The following EHBP1 variants were observed in gnomAD, a reference collection of about 807,000 sequenced individuals.
EHBP1 encodes EH domain-binding protein 1.
EHBP1 carries 55 observed loss-of-function variants against 144.0 expected under a neutral mutation model. The observed-to-expected ratio is 0.38, with a 90% CI of 0.31 to 0.48. The LOEUF is 0.48. EHBP1 is among the 20% of genes least tolerant of loss of function. EHBP1 has a pLI of 0.98. For synonymous variants in EHBP1, 469 were observed against 472.7 expected (o/e 0.99, Z 0.10); for missense variants, 1,200 against 1,364.2 (o/e 0.88, Z 1.90).
intron 1 of EHBP1, among the ~76,000 whole-genome samples, chr2:62,682,800 T>A (rs1013879362): frequency 1.3e-5 from 2 of 152,280 alleles, no homozygotes; most frequent in African/African-American, 2.4e-5. Context: ...ATCAACCAAC[T>A]GTAAATTCTC....
chr2:63,025,389 T>C (rs1052709091), intron 19 of EHBP1, among the ~76,000 whole-genome samples: 7 of 152,174 alleles, frequency 4.6e-5, no homozygotes, highest in Non-Finnish European at 8.8e-5. Context: ...AGGCTCTGAG[T>C]GGCTGGTACT....
intron 21 of EHBP1, among the ~76,000 whole-genome samples, chr2:63,040,454 A>G (rs1425394624): frequency 6.6e-6 from 1 of 152,168 alleles, no homozygotes; most frequent in African/African-American, 2.4e-5. Context: ...CTATCCCTAT[A>G]TACCAGATTT....
At chr2:62,935,323 C>A (rs1460405712) in intron 10 of EHBP1, among the ~76,000 whole-genome samples, 46 of 120,718 alleles carry the variant, frequency 3.8e-4, no homozygotes, top group Admixed American at 2.8e-4. Context: ...AGCGAGACTC[C>A]ATCTCAAAAA....
At chr2:62,886,991 TA>T (rs1444710912) in intron 10 of EHBP1, among the ~76,000 whole-genome samples, 1 of 152,218 alleles carries the variant, frequency 6.6e-6, no homozygotes, top group Non-Finnish European at 1.5e-5. Context: ...CAGCTTAGAT[TA>T]AAAGATAAAT....
intron 3 of EHBP1, among the ~76,000 whole-genome samples, chr2:62,750,463 G>A (rs1558603207): frequency 6.6e-6 from 1 of 152,150 alleles, no homozygotes; most frequent in Non-Finnish European, 1.5e-5. Context: ...TCTTGGCAAT[G>A]CAGGCTCTTT....
At chr2:62,907,864 T>C (rs1187371470) in intron 10 of EHBP1, among the ~76,000 whole-genome samples, 2 of 152,240 alleles carry the variant, frequency 1.3e-5, no homozygotes, top group African/African-American at 4.8e-5. Context: ...GCATTATTAT[T>C]GATTTCCTAC....
rs553440728 is a variant in EHBP1, at chr2:62,842,920, A to G, written c.634+11762A>G. Among the ~76,000 whole-genome samples, 365 of 152,336 alleles carry G rather than the reference A, an allele frequency of 2.4e-3. 3 individuals carry two copies. The highest frequency in any genetic ancestry group is 0.017 in the Middle Eastern group (5 of 294). On this transcript the variant is annotated intron_variant, in intron 7 of 22. Transcript: ENST00000431489. ...ACTAGTATTGAAAGGAAGAGTGAGAACAGTAGTTTTTTAAGGAAAATATAG... is the reference window on the plus strand; with the variant it reads ...ACTAGTATTGAAAGGAAGAGTGAGAGCAGTAGTTTTTTAAGGAAAATATAG...
chr2:62,890,294 A>T lies in EHBP1; in HGVS notation c.1185+15762A>T, dbSNP rs367819447. Among the ~76,000 whole-genome samples the T allele has an allele frequency of 2.6e-5, 4 of 152,280 alleles. No individual in the cohort carries two copies. The East Asian group carries it at 7.7e-4, about 29-fold the overall frequency. ...TGTGAAGAATGTCATTGGTAGTTTG[A>T]TGGGAACAGCATTTTATCTATAAAT... On this transcript the variant is annotated intron_variant, in intron 10 of 22. Coordinates refer to ENST00000431489, the MANE Select transcript of EHBP1 (RefSeq NM_001142616.3).
chr2:62,811,859 G>C (rs2152535177), intron 5 of EHBP1, among the ~76,000 whole-genome samples: 1 of 152,280 alleles, frequency 6.6e-6, no homozygotes, highest in African/African-American at 2.4e-5. Flanking sequence ...CAGAGGACAA[G>C]ATCTGATCCA....
intron 5 of EHBP1, among the ~76,000 whole-genome samples, chr2:62,777,585 T>A (rs909429982): frequency 3.9e-5 from 6 of 152,116 alleles, no homozygotes; most frequent in South Asian, 2.1e-4. Flanking sequence ...AGTTTTTTGT[T>A]TGTTTGTTTG....
intron 7 of EHBP1, among the ~76,000 whole-genome samples, chr2:62,833,029 C>T: frequency 6.6e-6 from 1 of 152,066 alleles, no homozygotes; most frequent in East Asian, 1.9e-4. Context: ...AAAGTTCTAC[C>T]CCAGTGAACA....
intron 19 of EHBP1, among the ~76,000 whole-genome samples, chr2:63,029,114 T>C (rs955367627): frequency 6.6e-6 from 1 of 152,172 alleles, no homozygotes; most frequent in East Asian, 1.9e-4. Context: ...TCTACTTTTT[T>C]TTTTAAGTCT....
intron 19 of EHBP1, among the ~76,000 whole-genome samples, chr2:63,015,486 C>T (rs2060450108): frequency 6.6e-6 from 1 of 151,706 alleles, no homozygotes; most frequent in African/African-American, 2.4e-5. Context: ...TGTAAAGTTC[C>T]TGGGTTTTTG....
intron 10 of EHBP1, among the ~76,000 whole-genome samples, chr2:62,880,877 C>T (rs961114872): frequency 6.6e-6 from 1 of 152,126 alleles, no homozygotes. Context: ...AACAGATCTA[C>T]CATTGCATCC....
intron 7 of EHBP1, among the ~76,000 whole-genome samples, chr2:62,832,944 C>T (rs77623637): frequency 0.1 from 15,203 of 152,024 alleles, 1,003 homozygotes; most frequent in Non-Finnish European, 0.14. Flanking sequence ...AAAGATAGGC[C>T]GAATGCAGAG....
intron 10 of EHBP1, among the ~76,000 whole-genome samples, chr2:62,926,853 G>A (rs1374465971): frequency 6.6e-6 from 1 of 151,168 alleles, no homozygotes; most frequent in Non-Finnish European, 1.5e-5. Context: ...TTTATCCACA[G>A]AGAAATAAAT....
intron 5 of EHBP1, among the ~76,000 whole-genome samples, chr2:62,809,064 G>A (rs747587078): frequency 6.6e-6 from 1 of 151,990 alleles, no homozygotes; most frequent in Admixed American, 6.6e-5. Context: ...AGGCCGAGGC[G>A]GACAGATCAC....
At chr2:62,907,882 C>T (rs1053340819) in intron 10 of EHBP1, among the ~76,000 whole-genome samples, 1 of 152,174 alleles carries the variant, frequency 6.6e-6, no homozygotes, top group African/African-American at 2.4e-5. Context: ...TACAAGTTAA[C>T]TTTAATCTCT....
At chr2:62,847,362 A>G (rs555879143) in intron 7 of EHBP1, among the ~76,000 whole-genome samples, 1 of 152,352 alleles carries the variant, frequency 6.6e-6, no homozygotes, top group African/African-American at 2.4e-5. Flanking sequence ...AGACCTAAAT[A>G]CAAAACTGTA....
Sources: gnomAD v4.1 joint callset for allele counts (sites outside exome capture counted in the v4.1 genomes callset) on GRCh38, gnomAD v4.1.1 for gene constraint, MANE v1.5 for transcripts, NCBI Gene and HGNC (gene_info 2026-07-23, HGNC 2026-07-21) for gene names.